The following KCNH3 variants were observed in gnomAD, a reference collection of about 807,000 sequenced individuals.
The protein encoded by KCNH3 is potassium voltage-gated channel subfamily H member 3, also known as voltage-gated inwardly rectifying potassium channel KCNH3.
Under a neutral mutation model 95.6 loss-of-function variants are expected in KCNH3, and 36 were observed. The observed-to-expected ratio is 0.38, with a 90% CI of 0.29 to 0.50. KCNH3 has a LOEUF of 0.50. KCNH3 is among the 20% of genes least tolerant of loss of function. The pLI, the probability that KCNH3 is intolerant of heterozygous loss-of-function variation, is 0.95. For missense variants in KCNH3, 1,030 were observed against 1,484.1 expected (o/e 0.69, Z 5.03); for synonymous variants, 620 against 646.3 (o/e 0.96, Z 0.62).
Position 49,555,720 on chromosome 12 carries a change from C to G in KCNH3, c.2237C>G (p.Ala746Gly), listed in dbSNP as rs1457233189. The change falls in exon 12 of 15, where the codon GCT becomes GGT. Residue 746 changes from alanine (A) to glycine (G), a missense_variant. Coordinates refer to ENST00000257981, the MANE Select transcript of KCNH3 (RefSeq NM_012284.3). ...EQGPTVSPAPADEPSSPLLSP... is the reference protein window; with the variant it reads ...EQGPTVSPAPGDEPSSPLLSP... Reference sequence around the variant, plus strand: ...GGCCCCACGGTCTCCCCAGCCCCAGCTGATGAGCCCTCCAGCCCCCTGCTG... The same window carrying G: ...GGCCCCACGGTCTCCCCAGCCCCAGGTGATGAGCCCTCCAGCCCCCTGCTG... The G allele has an allele frequency of 6.2e-7, 1 of 1,612,842 alleles. No homozygotes were observed. The highest frequency in any genetic ancestry group is 8.5e-7 in the Non-Finnish European group (1 of 1,179,560).
At chr12:49,548,180 G>A (rs1194402006) in intron 7 of KCNH3, among the ~76,000 whole-genome samples, 1 of 151,966 alleles carries the variant, frequency 6.6e-6, no homozygotes, top group Non-Finnish European at 1.5e-5. Flanking sequence ...TCTTGTCCAC[G>A]AAAGTGTGTC....
Position 49,544,129 on chromosome 12 carries a change from G to C in KCNH3, c.982-46G>C, listed in dbSNP as rs1150058. On this transcript the variant is annotated intron_variant, in intron 6 of 14. Coordinates refer to ENST00000257981, the MANE Select transcript of KCNH3 (RefSeq NM_012284.3). ...GCTTGGCCAGGGGACAGGCAGGGCC[G>C]GCCCGCTGACCTCCCTCCCTCCCTC... 2.5e-6 allele frequency: 4 copies of C among 1,598,392 alleles called. No homozygotes were observed. In the Admixed American group the frequency reaches 5.0e-5, roughly 20 times the overall value.
At chr12:49,540,246 C>T (rs532446812) in intron 1 of KCNH3, among the ~76,000 whole-genome samples, 15 of 152,194 alleles carry the variant, frequency 9.9e-5, no homozygotes, top group Non-Finnish European at 2.2e-4. Context: ...CTCCCCACTC[C>T]GGGCTCCTCC....
In KCNH3 at chr12:49,555,697, C is replaced by T. The variant is rs1489991473; in HGVS notation, c.2214C>T (p.Gly738=). 1 of 1,610,378 alleles carries T rather than the reference C, an allele frequency of 6.2e-7. No individual in the cohort carries two copies. The highest frequency in any genetic ancestry group is 1.3e-5 in the African/African-American group (1 of 74,840). ...AGAAGGAGACAGATGGGGAGCAGGG[C>T]CCCACGGTCTCCCCAGCCCCAGCTG... ...LEEKETDGEQ[G]PTVSPAPADE... The change falls in exon 12 of 15, where the codon GGC becomes GGT. Residue 738 remains glycine, a synonymous_variant. Transcript: ENST00000257981.
chr12:49,548,625 G>A (rs552883197), intron 7 of KCNH3, among the ~76,000 whole-genome samples: 1 of 152,312 alleles, frequency 6.6e-6, no homozygotes, highest in African/African-American at 2.4e-5. Flanking sequence ...CCCTCCGACT[G>A]GGCCCGTTAC....
In KCNH3 at chr12:49,539,486, G is replaced by C. The variant is rs937611207; in HGVS notation, c.70G>C (p.Gly24Arg). 2.5e-6 allele frequency: 4 copies of C among 1,587,630 alleles called. No individual in the cohort carries two copies. The highest frequency in any genetic ancestry group is 2.6e-6 in the Non-Finnish European group (3 of 1,169,050). ...FLDTIATRFD[G>R]THSNFVLGNA... ...GGACACCATCGCTACGCGCTTCGAC[G>C]GCACGCGTGAGTCCGACCCTCGCCC... Residue 24 changes from glycine to arginine, a missense_variant, in exon 1 of 15, where the codon GGC (glycine) becomes CGC (arginine). Physicochemically the swap from Gly to Arg is moderately radical, Grantham distance 125. Around this residue, in one of 9 missense-constraint regions of KCNH3, gnomAD observed 26 missense variants for 35.1 expected, o/e 0.74. Coordinates refer to ENST00000257981, the MANE Select transcript of KCNH3 (RefSeq NM_012284.3). This position sits in a 1 kb window ranked among gnomAD's most constrained non-coding sequence, Gnocchi z 6.7.
Position 49,549,682 on chromosome 12 carries a change from A to G in KCNH3, c.1668+42A>G, listed in dbSNP as rs766118515. The G allele has an allele frequency of 6.4e-6, 10 of 1,562,960 alleles. No homozygotes were observed. In the African/African-American group the frequency reaches 9.5e-5, roughly 15 times the overall value. On this transcript the variant is annotated intron_variant, in intron 9 of 14. Coordinates refer to ENST00000257981, the MANE Select transcript of KCNH3 (RefSeq NM_012284.3). ...TGGGCCTGCTAGCCTTTGCTCCCTC[A>G]GGGGGTTTGCAATAGCCTAGAATTA...
Position 49,557,582 on chromosome 12 carries a change from T to C in KCNH3, c.2881T>C (p.Trp961Arg), listed in dbSNP as rs1414789624. 7 of 1,612,908 alleles carry C rather than the reference T, an allele frequency of 4.3e-6. No homozygotes were observed. The highest frequency in any genetic ancestry group is 1.6e-4 in the Middle Eastern group (1 of 6,062). The part of the protein sequence containing the change: ...PPAGSVLSGT[W>R]PHPRPGPPPL... ...AGCTGGCTCTGTCTTGAGTGGGACT[T>C]GGCCCCACCCTCGTCCGGGGCCTCC... Residue 961 changes from tryptophan to arginine, a missense_variant, in exon 15 of 15, where the codon TGG becomes CGG. Around this residue, in one of 9 missense-constraint regions of KCNH3, gnomAD observed 464 missense variants for 493.2 expected, o/e 0.94. Transcript: ENST00000257981.
intron 13 of KCNH3, among the ~76,000 whole-genome samples, 165 bp from the exon 14 acceptor site, chr12:49,557,017 TG>T (rs1273594254): frequency 1.3e-5 from 2 of 152,100 alleles, no homozygotes; most frequent in African/African-American, 4.8e-5. Context: ...TCCCTGCCCC[TG>T]GAAGTTTGGG....
At chr12:49,554,296 G>A (rs1266183342) in intron 10 of KCNH3, 41 bp from the exon 11 acceptor site, 1 of 1,530,792 alleles carries the variant, frequency 6.5e-7, no homozygotes, top group Admixed American at 1.7e-5. Context: ...CCTCATGGCT[G>A]AAGCTCTCAG....
rs146198875 is a variant in KCNH3, at chr12:49,548,138, G to A, written c.1190-757G>A. Reference sequence around the variant, plus strand: ...TGTGTGTGTGTGTGTGTGTGTGCGCGCGCACCTGTGTGAATGTATTCGCCT... The same window carrying A: ...TGTGTGTGTGTGTGTGTGTGTGCGCACGCACCTGTGTGAATGTATTCGCCT... On this transcript the variant is annotated intron_variant, in intron 7 of 14. Transcript: ENST00000257981. 1.3e-4 allele frequency among the ~76,000 whole-genome samples: 19 copies of A among 151,898 alleles called. No homozygotes were observed. In the East Asian group the frequency reaches 2.5e-3, roughly 20 times the overall value.
rs200233822 is a variant in KCNH3 at position 49,542,899 on chromosome 12, G to A, written c.579+60G>A. 1.6e-5 allele frequency: 25 copies of A among 1,572,530 alleles called. No individual in the cohort carries two copies. The East Asian group carries it at 4.3e-4, about 27-fold the overall frequency. On this transcript the variant is annotated intron_variant, in intron 4 of 14. Transcript: ENST00000257981. ...GGGGCAGACGCAGAAGATGGGGAAG[G>A]GGAACCTGATCTACCACAGAGAGAA...
chr12:49,545,196 C>T (rs1417461892), intron 7 of KCNH3, among the ~76,000 whole-genome samples: 2 of 152,138 alleles, frequency 1.3e-5, no homozygotes, highest in Non-Finnish European at 2.9e-5. Flanking sequence ...TCCCCCTTCA[C>T]CTTGCTTTCC....
intron 7 of KCNH3, chr12:49,546,351 G>C (rs1432232722): frequency 1.3e-5 from 2 of 152,152 alleles, no homozygotes; most frequent in African/African-American, 4.8e-5. Flanking sequence ...TCTTTCTCCA[G>C]GGAATCTGCC....
Position 49,543,482 on chromosome 12 carries a change from G to T in KCNH3, c.787G>T (p.Val263Phe). Reference sequence around the variant, plus strand: ...CAGTGCCGCCCGCGGCCCGCCCAGCGTCTGTGACCTGGCCGTGGAGGTCCT... The same window carrying T: ...CAGTGCCGCCCGCGGCCCGCCCAGCTTCTGTGACCTGGCCGTGGAGGTCCT... Reference protein sequence around the residue: ...EPSAARGPPSVCDLAVEVLFI... With the variant: ...EPSAARGPPSFCDLAVEVLFI... The change falls in exon 5 of 15, where the codon GTC (valine) becomes TTC (phenylalanine). Residue 263 changes from valine to phenylalanine, a missense_variant. This residue lies in a region of KCNH3 where 153 missense variants were observed against 288.5 expected (regional missense o/e 0.53). Transcript: ENST00000257981. The T allele has an allele frequency of 6.2e-7, 1 of 1,600,046 alleles. No homozygotes were observed. Among genetic ancestry groups the T allele is most frequent in the Non-Finnish European group, 8.5e-7 (1 of 1,178,790 alleles).
rs957688221 is a variant in KCNH3 at position 49,557,476 on chromosome 12, G to A, written c.2775G>A (p.Gly925=). ...EGPCPRASGE[G]PCPASTSGLL... The stretch of plus-strand genomic sequence containing the variant: ...CGTGCCCTCGGGCATCGGGAGAGGG[G>A]CCGTGCCCAGCCAGCACCTCCGGGC... Residue 925 remains glycine (G), a synonymous_variant, in exon 15 of 15, where the codon GGG becomes GGA. Transcript: ENST00000257981. 2 of 1,611,068 alleles carry A rather than the reference G, an allele frequency of 1.2e-6. No homozygotes were observed. Among genetic ancestry groups the A allele is most frequent in the Non-Finnish European group, 1.7e-6 (2 of 1,179,506 alleles).
intron 10 of KCNH3, among the ~76,000 whole-genome samples, chr12:49,552,099 G>A (rs1010783575): frequency 1.3e-5 from 2 of 152,296 alleles, no homozygotes; most frequent in African/African-American, 4.8e-5. Context: ...AAGTGTAGCT[G>A]GCAATCCTTG....
Position 49,557,277 on chromosome 12 carries a change from TGGA to T in KCNH3, c.2652+21_2652+23del, listed in dbSNP as rs747806772. ...GGCAGGCGGTGGGTGAGGGGGAAGGTGGAGGTGAGGGGGGCACCAGGGGAAGGC... is the reference window on the plus strand; with the variant it reads ...GGCAGGCGGTGGGTGAGGGGGAAGGTGGTGAGGGGGGCACCAGGGGAAGGC... On this transcript the variant is annotated intron_variant, in intron 14 of 14. Coordinates refer to ENST00000257981, the MANE Select transcript of KCNH3 (RefSeq NM_012284.3). The T allele has an allele frequency of 1.9e-6, 3 of 1,613,184 alleles. No individual in the cohort carries two copies. In the African/African-American group the frequency reaches 4.0e-5, roughly 22 times the overall value.
In KCNH3 at chr12:49,555,922, A is replaced by G. The variant is rs1938425583; in HGVS notation, c.2439A>G (p.Pro813=). The change falls in exon 12 of 15, where the codon CCA becomes CCG. Residue 813 remains proline, a synonymous_variant. Coordinates refer to ENST00000257981, the MANE Select transcript of KCNH3 (RefSeq NM_012284.3). The stretch of plus-strand genomic sequence containing the variant: ...AGGGGCTACGGCTGCCCCCCATGCC[A>G]TGGAATGTGCCCCCAGATCTGAGCC... The part of the protein sequence containing the change: ...ALEGLRLPPM[P]WNVPPDLSPR... The G allele has an allele frequency of 1.3e-6, 2 of 1,573,074 alleles. No individual in the cohort carries two copies. The highest frequency in any genetic ancestry group is 2.3e-5 in the East Asian group (1 of 44,354).
Sources: allele counts gnomAD v4.1 joint callset (sites outside exome capture counted in the v4.1 genomes callset), GRCh38; gene constraint gnomAD v4.1.1; regional missense constraint gnomAD v4.1.1; non-coding constraint Gnocchi (gnomAD v3.1); transcripts MANE v1.5; gene names NCBI Gene and HGNC (gene_info 2026-07-23, HGNC 2026-07-21).